The following GRIPAP1 variants were observed in gnomAD, a reference collection of about 807,000 sequenced individuals.
The protein encoded by GRIPAP1 is GRIP1 associated protein 1.
GRIPAP1 carries 14 observed loss-of-function variants against 84.1 expected under a neutral mutation model. That is an observed-to-expected ratio of 0.17 (90% CI 0.11 to 0.26). GRIPAP1 has a LOEUF of 0.26. Among genes scored for constraint, GRIPAP1 ranks in the 10% least tolerant of loss-of-function variants. GRIPAP1 has a pLI of 1.00. For synonymous variants in GRIPAP1, 261 were observed against 256.8 expected, an observed-to-expected ratio of 1.02 and a Z score of -0.15; for missense variants, 518 against 674.2, an observed-to-expected ratio of 0.77 and a Z score of 2.57.
At chrX:48,980,233 G>A (rs1376487913) in intron 21 of GRIPAP1, among the ~76,000 whole-genome samples, 44 of 93,691 alleles carry the variant, frequency 4.7e-4, no homozygotes, top group African/African-American at 1.5e-3. Context: ...AGTTGTGTGT[G>A]TGTGTGTGTG....
In GRIPAP1 at chrX:48,983,028, G is replaced by A. The variant is rs2147736814; in HGVS notation, c.1550C>T (p.Ser517Phe). ...AAACCAGCCCTTGGCTCCATCCATG[G>A]AATGTACCTGAGCTTGAAGTTCTTC... is the stretch of plus-strand genomic sequence containing the variant. ...TVEELQAQVHSMDGAKGWFER... is the reference protein window; with the variant it reads ...TVEELQAQVHFMDGAKGWFER... Residue 517 changes from serine to phenylalanine, a missense_variant, in exon 17 of 26, where the codon TCC becomes TTC. Ser to Phe is a radical substitution (Grantham distance 155, BLOSUM62 -2). Around this residue, in one of 5 missense-constraint regions of GRIPAP1, gnomAD observed 372 missense variants for 458.1 expected, o/e 0.81. Coordinates refer to ENST00000376423, the MANE Select transcript of GRIPAP1 (RefSeq NM_020137.5). 1 of 1,209,462 alleles carries A rather than the reference G, an allele frequency of 8.3e-7. No homozygotes were observed.
intron 1 of GRIPAP1, 78 bp downstream of exon 1, chrX:49,002,110 T>A: frequency 4.7e-6 from 3 of 634,333 alleles, no homozygotes. Flanking sequence ...CAACCCCTTC[T>A]CAGAGCTGAT....
chrX:48,994,941 G>T (rs2064539639), intron 5 of GRIPAP1, among the ~76,000 whole-genome samples: 1 of 111,857 alleles, frequency 8.9e-6, no homozygotes. Context: ...ATAAATGTCA[G>T]CTATCACTAC....
rs782758943 is a variant in GRIPAP1, at chrX:48,993,488, C to T, written c.397G>A (p.Val133Met). ...TGTAGCCTCAGCAGCTCCCCATCCA[C>T]GAGGGGCCCAGCTTGGGCAACCCCT... ...GAGVAQAGPL[V>M]DGELLRLQAE... Residue 133 changes from valine to methionine, a missense_variant, in exon 6 of 26, where the codon GTG becomes ATG. Val to Met is a conservative substitution (Grantham distance 21). Coordinates refer to ENST00000376423, the MANE Select transcript of GRIPAP1 (RefSeq NM_020137.5). 1.4e-5 allele frequency: 17 copies of T among 1,189,967 alleles called. No individual in the cohort carries two copies. The highest frequency in any genetic ancestry group is 1.2e-4 in the Admixed American group (5 of 42,923).
Position 48,982,993 on chromosome X carries a change from A to G in GRIPAP1, c.1585T>C (p.Leu529=). ...DGAKGWFERR[L]KEAEESLQQQ... ...CACCAACTCACCTCGGCTTCCTTCA[A>G]GCGCCGTTCAAACCAGCCCTTGGCT... Residue 529 remains leucine (L), a synonymous_variant, in exon 17 of 26, where the codon TTG becomes CTG. Coordinates refer to ENST00000376423, the MANE Select transcript of GRIPAP1 (RefSeq NM_020137.5). 7 of 1,196,490 alleles carry G rather than the reference A, an allele frequency of 5.9e-6. No individual in the cohort carries two copies. The highest frequency in any genetic ancestry group is 7.9e-6 in the Non-Finnish European group (7 of 881,356).
At position 48,985,422 on chromosome X, in the gene GRIPAP1, T is replaced by C. The variant is rs2064481687; in HGVS notation, c.1042-20A>G. On this transcript the variant is annotated intron_variant, in intron 13 of 25. Transcript: ENST00000376423. ...TTGGATCTGGAGAAAGTAGTGGTGA[T>C]GAGAAGTAGAGTGAAAGGGACCCCA... 1.7e-6 allele frequency: 2 copies of C among 1,203,437 alleles called. No individual in the cohort carries two copies. Among genetic ancestry groups the C allele is most frequent in the East Asian group, 3.0e-5 (1 of 33,754 alleles).
At chrX:48,990,390 CTAAGA>C (rs1411590497) in intron 8 of GRIPAP1, among the ~76,000 whole-genome samples, 1 of 112,075 alleles carries the variant, frequency 8.9e-6, no homozygotes, top group Non-Finnish European at 1.9e-5. Flanking sequence ...TCTCCAGGTC[CTAAGA>C]TAAGAGCCAG....
At chrX:48,975,450 A>T (rs1557060127) in intron 24 of GRIPAP1, 141 bp from the exon 25 acceptor site, 4 of 532,838 alleles carry the variant, frequency 7.5e-6, no homozygotes, top group Non-Finnish European at 1.2e-5. Context: ...AGGCTTTGAC[A>T]TACAAAACCT....
At position 48,983,438 on chromosome X, in the gene GRIPAP1, A is replaced by C. The variant is rs1557062830; in HGVS notation, c.1275T>G (p.Ser425Arg). ...LTQELQEARKSAEKRKAMLDE... is the reference protein window; with the variant it reads ...LTQELQEARKRAEKRKAMLDE... The stretch of plus-strand genomic sequence containing the variant: ...CCAGCATGGCCTTCCGCTTCTCCGC[A>C]CTCTGGGGGCCAGGACGATGGCAGT... The change falls in exon 16 of 26, where the codon AGT becomes AGG. Residue 425 changes from serine to arginine, a missense_variant and splice_region_variant. Around this residue, in one of 5 missense-constraint regions of GRIPAP1, gnomAD observed 372 missense variants for 458.1 expected, o/e 0.81. Transcript: ENST00000376423. The C allele has an allele frequency of 8.3e-7, 1 of 1,204,602 alleles. No homozygotes were observed. The highest frequency in any genetic ancestry group is 1.1e-6 in the Non-Finnish European group (1 of 890,053).
intron 21 of GRIPAP1, among the ~76,000 whole-genome samples, chrX:48,979,293 C>T (rs1238933803): frequency 1.9e-5 from 2 of 106,464 alleles, no homozygotes; most frequent in Non-Finnish European, 3.9e-5. Flanking sequence ...CTGGCTAAAA[C>T]GGTGAAACCC....
chrX:48,997,289 G>A lies in GRIPAP1; in HGVS notation c.267C>T (p.Phe89=). 1.7e-6 allele frequency: 2 copies of A among 1,186,071 alleles called. No individual in the cohort carries two copies. Among genetic ancestry groups the A allele is most frequent in the Middle Eastern group, 2.3e-4 (1 of 4,277 alleles). Residue 89 remains phenylalanine (F), a synonymous_variant, in exon 5 of 26, where the codon TTC becomes TTT. Transcript: ENST00000376423. ...QAKLHSQEED[F]RLQNSTLMAE... is the part of the protein sequence containing the mutation. ...CCATTAGTGTGCTGTTCTGCAAACG[G>A]AAGTCCTCCTCCTGGCTGTGCAGCT...
chrX:48,995,976 T>C (rs2064545183), intron 5 of GRIPAP1, among the ~76,000 whole-genome samples: 1 of 112,236 alleles, frequency 8.9e-6, no homozygotes, highest in South Asian at 3.6e-4. Flanking sequence ...CTTCCATAGC[T>C]GATACTATGT....
At chrX:48,991,293 T>G in intron 6 of GRIPAP1, 183 bp from the exon 7 acceptor site, 2 of 431,660 alleles carry the variant, frequency 4.6e-6, no homozygotes, top group Non-Finnish European at 8.1e-6. Flanking sequence ...TTTCTTTTTT[T>G]TTTTGAGACA....
In GRIPAP1 at chrX:49,001,458, G is replaced by T. The variant is rs1239573452; in HGVS notation, c.42+730C>A. On this transcript the variant is annotated intron_variant, in intron 1 of 25. Transcript: ENST00000376423. ...AGTCCCCCCAAAAGAATCAAGTGGG[G>T]GTACCTCCCCAAAGCCCAGTGATCT... is the stretch of plus-strand genomic sequence containing the variant. Among the ~76,000 whole-genome samples, 16 of 107,625 alleles carry T rather than the reference G, an allele frequency of 1.5e-4. No homozygotes were observed. In the Admixed American group the frequency reaches 1.6e-3, roughly 11 times the overall value. The allele number at this position is 107,625 out of a possible 115,157, so 93.5% of individuals were successfully genotyped here.
At chrX:48,982,502 A>T (rs1356430745) in intron 17 of GRIPAP1, among the ~76,000 whole-genome samples, 1 of 112,307 alleles carries the variant, frequency 8.9e-6, no homozygotes, top group Non-Finnish European at 1.9e-5. Flanking sequence ...CAGCCTCCTG[A>T]GTAGCTGGAA....
In GRIPAP1 at chrX:48,989,604, C is replaced by T; in HGVS notation, c.870+7G>A. On this transcript the variant is annotated splice_region_variant and intron_variant, in intron 11 of 25. Coordinates refer to ENST00000376423, the MANE Select transcript of GRIPAP1 (RefSeq NM_020137.5). ...CCCCAGGGATCTCAGAACCCAGTCC[C>T]CATCACCTGATTGGCAGCCTCAAGT... 1 of 1,150,494 alleles carries T rather than the reference C, an allele frequency of 8.7e-7. No individual in the cohort carries two copies. The highest frequency in any genetic ancestry group is 3.0e-5 in the East Asian group (1 of 33,636). 94.8% of individuals were successfully genotyped at this position (1,150,494 alleles called of 1,213,427 possible). A position where few individuals can be genotyped will look rare whatever the true frequency, so the allele number is the denominator to read the frequency against.
At chrX:48,988,040 A>T in intron 12 of GRIPAP1, 81 bp downstream of exon 12, 2 of 782,297 alleles carry the variant, frequency 2.6e-6, no homozygotes, top group Non-Finnish European at 3.8e-6. Flanking sequence ...GATCCCTGGG[A>T]CCTTGCCTGA....
intron 3 of GRIPAP1, among the ~76,000 whole-genome samples, chrX:48,998,595 C>T (rs1165522779): frequency 8.9e-6 from 1 of 112,236 alleles, no homozygotes; most frequent in Non-Finnish European, 1.9e-5. Flanking sequence ...CTGTCGCTCC[C>T]CTACTGGGCA....
rs782357354 is a variant in GRIPAP1 at position 48,991,487 on chromosome X, C to T, written c.458-377G>A. 1.6e-4 allele frequency: 22 copies of T among 140,698 alleles called. No individual in the cohort carries two copies. In the South Asian group the frequency reaches 4.4e-3, roughly 28 times the overall value. 11.6% of individuals were successfully genotyped at this position (140,698 alleles called of 1,213,427 possible). On this transcript the variant is annotated intron_variant, in intron 6 of 25. Coordinates refer to ENST00000376423, the MANE Select transcript of GRIPAP1 (RefSeq NM_020137.5). ...GTAGAGACAAGGTCTCGCTACATTG[C>T]CCAGACTGGTCTTGAACTCCTGAGC... is the stretch of plus-strand genomic sequence containing the variant.
Sources: gnomAD v4.1 joint callset for allele counts (sites outside exome capture counted in the v4.1 genomes callset) on GRCh38, gnomAD v4.1.1 for gene constraint, gnomAD v4.1.1 regional missense constraint, MANE v1.5 for transcripts, NCBI Gene and HGNC (gene_info 2026-07-23, HGNC 2026-07-21) for gene names.